The following NETO2 variants were observed in gnomAD, a reference collection of about 807,000 sequenced individuals.
NETO2 encodes neuropilin and tolloid-like protein 2.
NETO2 carries 28 observed loss-of-function variants against 62.5 expected under a neutral mutation model. The observed-to-expected ratio is 0.45, with a 90% CI of 0.33 to 0.61. The LOEUF is 0.61. NETO2 is among the 20% of genes least tolerant of loss of function. NETO2 has a pLI of 0.02. For missense variants in NETO2, 548 were observed against 643.2 expected (o/e 0.85, Z 1.60); for synonymous variants, 214 against 219.1 (o/e 0.98, Z 0.21).
At chr16:47,102,844 G>A (rs535176966) in intron 7 of NETO2, among the ~76,000 whole-genome samples, 65 of 152,304 alleles carry the variant, frequency 4.3e-4, no homozygotes, top group African/African-American at 1.5e-3. Context: ...ACTGTTGGTG[G>A]GAGTGTAAAT....
intron 6 of NETO2, among the ~76,000 whole-genome samples, chr16:47,111,118 T>C (rs777094740): frequency 6.6e-6 from 1 of 152,222 alleles, no homozygotes; most frequent in Non-Finnish European, 1.5e-5. Context: ...GCTCTAATGC[T>C]GTAATGACTT....
chr16:47,091,780 A>G (rs1172028830), intron 7 of NETO2, among the ~76,000 whole-genome samples: 9 of 152,280 alleles, frequency 5.9e-5, no homozygotes, highest in African/African-American at 2.2e-4. Flanking sequence ...TCTGATAAGA[A>G]CCTTGGGTGC....
At chr16:47,092,025 G>GT (rs34629427) in intron 7 of NETO2, among the ~76,000 whole-genome samples, 2,545 of 134,230 alleles carry the variant, frequency 0.019, 19 homozygotes, top group Non-Finnish European at 0.026. Flanking sequence ...AACTGTTTTG[G>GT]TTTTTTTTTT....
chr16:47,138,855 T>C (rs1964409206), intron 1 of NETO2, among the ~76,000 whole-genome samples: 1 of 152,158 alleles, frequency 6.6e-6, no homozygotes, highest in Admixed American at 6.5e-5. Flanking sequence ...TTCCGAGCGC[T>C]CTCTACTAGA....
chr16:47,141,984 G>A (rs1434920553), intron 1 of NETO2, among the ~76,000 whole-genome samples: 1 of 152,210 alleles, frequency 6.6e-6, no homozygotes, highest in East Asian at 1.9e-4. Flanking sequence ...TGCAGGTAAA[G>A]CGGTGTGACA....
In NETO2 at chr16:47,122,803, A is replaced by C. The variant is rs1567395029; in HGVS notation, c.527-19T>G. 6.2e-7 allele frequency: 1 copy of C among 1,614,048 alleles called. No individual in the cohort carries two copies. The highest frequency in any genetic ancestry group is 1.1e-5 in the South Asian group (1 of 91,050). On this transcript the variant is annotated intron_variant, in intron 5 of 8. Transcript: ENST00000562435. ...TGACAATCTGGAAGGAATACATGAAAGGTGTTCAAAGGAACATAAGACTAA... is the reference window on the plus strand; with the variant it reads ...TGACAATCTGGAAGGAATACATGAACGGTGTTCAAAGGAACATAAGACTAA...
chr16:47,107,894 G>A (rs962914697), intron 7 of NETO2, among the ~76,000 whole-genome samples: 3 of 152,040 alleles, frequency 2.0e-5, no homozygotes, highest in South Asian at 2.1e-4. Context: ...TCCCACCTCA[G>A]CCTCCTGAGT....
chr16:47,095,155 A>G (rs969669061), intron 7 of NETO2, among the ~76,000 whole-genome samples: 2 of 152,224 alleles, frequency 1.3e-5, no homozygotes, highest in Non-Finnish European at 2.9e-5. Context: ...TTAAAAACTT[A>G]AGCAGTTCAT....
intron 4 of NETO2, among the ~76,000 whole-genome samples, chr16:47,123,822 C>T (rs533063897): frequency 3.2e-4 from 49 of 152,126 alleles, no homozygotes; most frequent in Non-Finnish European, 6.8e-4. Context: ...CTCAGCCTCC[C>T]GAGTAGCTGG....
In NETO2 at chr16:47,080,315, GA is replaced by G. The variant is rs1963041799; in HGVS notation, c.*2905del. Reference sequence around the variant, plus strand: ...GTATACTTAATGCTGTTTCTGAATTGAAGATATTTATCCCTTCCAGATTTGC... The same window carrying G: ...GTATACTTAATGCTGTTTCTGAATTGAGATATTTATCCCTTCCAGATTTGC... On this transcript the variant is annotated 3_prime_UTR_variant, in exon 9 of 9. Coordinates refer to ENST00000562435, the MANE Select transcript of NETO2 (RefSeq NM_018092.5). The G allele has an allele frequency of 6.6e-6, 1 of 152,182 alleles. No homozygotes were observed. The highest frequency in any genetic ancestry group is 2.1e-4 in the South Asian group (1 of 4,830). The allele number at this position is 152,182 out of a possible 1,614,324, so 9.4% of individuals were successfully genotyped here.
intron 7 of NETO2, among the ~76,000 whole-genome samples, chr16:47,089,782 T>C (rs574692098): frequency 2.6e-5 from 4 of 152,304 alleles, no homozygotes; most frequent in Non-Finnish European, 4.4e-5. Flanking sequence ...ATCATAAAAC[T>C]GTATCATACA....
intron 2 of NETO2, among the ~76,000 whole-genome samples, chr16:47,130,439 TATAAATAA>T (rs1003338108): frequency 6.6e-6 from 1 of 150,500 alleles, no homozygotes; most frequent in African/African-American, 2.5e-5. Flanking sequence ...AAATCTCTAA[TATAAATAA>T]ATAAATAAAT....
At chr16:47,092,587 C>T (rs1183023737) in intron 7 of NETO2, among the ~76,000 whole-genome samples, 4 of 152,050 alleles carry the variant, frequency 2.6e-5, no homozygotes, top group Admixed American at 6.5e-5. Context: ...GCACAGAAAC[C>T]GAGGGAAAAA....
intron 4 of NETO2, among the ~76,000 whole-genome samples, chr16:47,123,609 T>G (rs1964089062): frequency 6.6e-6 from 1 of 152,232 alleles, no homozygotes; most frequent in South Asian, 2.1e-4. Context: ...TATTTTAAAG[T>G]TCAGATAGAA....
In NETO2 at chr16:47,126,959, A is replaced by G. The variant is rs1964169912; in HGVS notation, c.481+1366T>C. Among the ~76,000 whole-genome samples the G allele has an allele frequency of 2.0e-5, 3 of 152,216 alleles. No individual in the cohort carries two copies. In the South Asian group the frequency reaches 6.2e-4, roughly 31 times the overall value. ...CAAACATCTGTTTTTCAGGCAAAAA[A>G]GCAGATAATAAAGTTATATGTGTAC... On this transcript the variant is annotated intron_variant, in intron 4 of 8. Coordinates refer to ENST00000562435, the MANE Select transcript of NETO2 (RefSeq NM_018092.5).
chr16:47,116,383 T>C (rs1046507141), intron 6 of NETO2, among the ~76,000 whole-genome samples: 6 of 152,212 alleles, frequency 3.9e-5, no homozygotes, highest in Admixed American at 2.0e-4. Context: ...TGATGAATTT[T>C]AACAAATGGA....
At chr16:47,096,359 A>T (rs1463468183) in intron 7 of NETO2, among the ~76,000 whole-genome samples, 1 of 152,200 alleles carries the variant, frequency 6.6e-6, no homozygotes, top group Non-Finnish European at 1.5e-5. Flanking sequence ...CAAAAACCCA[A>T]AACTTGATTC....
intron 7 of NETO2, among the ~76,000 whole-genome samples, chr16:47,096,331 T>C (rs1315392061): frequency 4.6e-5 from 7 of 151,902 alleles, no homozygotes; most frequent in East Asian, 1.9e-4. Flanking sequence ...ATAAATAAAA[T>C]AGAAAACAGA....
chr16:47,135,191 A>G (rs1195392158), intron 1 of NETO2, among the ~76,000 whole-genome samples: 1 of 152,226 alleles, frequency 6.6e-6, no homozygotes, highest in Non-Finnish European at 1.5e-5. Context: ...TTGAGTTATA[A>G]TCAGGCTGAG....
Sources: allele counts gnomAD v4.1 joint callset (sites outside exome capture counted in the v4.1 genomes callset), GRCh38; gene constraint gnomAD v4.1.1; transcripts MANE v1.5; gene names NCBI Gene and HGNC (gene_info 2026-07-23, HGNC 2026-07-21).